The following PALM2AKAP2 variants were observed in gnomAD, a reference collection of about 807,000 sequenced individuals.
The protein encoded by PALM2AKAP2 is PALM2 and AKAP2 fusion.
PALM2AKAP2 carries 37 observed loss-of-function variants against 71.5 expected under a neutral mutation model. The observed-to-expected ratio is 0.52, with a 90% confidence interval of 0.40 to 0.68. PALM2AKAP2 has a LOEUF of 0.68. PALM2AKAP2 is among the 30% of genes least tolerant of loss of function. PALM2AKAP2 has a pLI of 0.00. For synonymous variants in PALM2AKAP2, 468 were observed against 478.8 expected, an observed-to-expected ratio of 0.98 and a Z score of 0.29; for missense variants, 1,224 against 1,191.8, an observed-to-expected ratio of 1.03 and a Z score of -0.40.
chr9:109,771,460 C>A (rs868119995), intron 1 of PALM2AKAP2, among the ~76,000 whole-genome samples: 2 of 152,116 alleles, frequency 1.3e-5, no homozygotes, highest in Non-Finnish European at 2.9e-5. Flanking sequence ...CAGGGTAAAA[C>A]TCTGGCAAGA....
At chr9:110,093,682 C>T (rs1834767397) in intron 1 of PALM2AKAP2, among the ~76,000 whole-genome samples, 1 of 152,180 alleles carries the variant, frequency 6.6e-6, no homozygotes, top group South Asian at 2.1e-4. Flanking sequence ...TCTCCAGGCT[C>T]ATCTCCCCTG....
intron 1 of PALM2AKAP2, among the ~76,000 whole-genome samples, chr9:109,735,223 A>G (rs1470755331): frequency 1.3e-5 from 2 of 149,368 alleles, no homozygotes; most frequent in Admixed American, 6.7e-5. Context: ...ATTTTCCTGA[A>G]GCTCCTTTGT....
chr9:109,961,639 G>A (rs1342524325), intron 6 of PALM2AKAP2, among the ~76,000 whole-genome samples: 1 of 152,114 alleles, frequency 6.6e-6, no homozygotes, highest in East Asian at 1.9e-4. Context: ...CATGGAGATG[G>A]GCATCTCTGC....
At chr9:109,907,373 C>G (rs1187107838) in intron 3 of PALM2AKAP2, among the ~76,000 whole-genome samples, 2 of 152,196 alleles carry the variant, frequency 1.3e-5, no homozygotes, top group African/African-American at 4.8e-5. Flanking sequence ...ACTTCCCTTC[C>G]AAGACCTGAA....
At chr9:109,903,658 G>C (rs1438630613) in intron 3 of PALM2AKAP2, among the ~76,000 whole-genome samples, 2 of 152,106 alleles carry the variant, frequency 1.3e-5, no homozygotes, top group Admixed American at 6.5e-5. Context: ...AATCACAGCT[G>C]TCTCCTCCCA....
chr9:110,125,529 C>G (rs1453182583), intron 1 of PALM2AKAP2: 2 of 985,462 alleles, frequency 2.0e-6, no homozygotes, highest in African/African-American at 3.5e-5. Context: ...AGCCAGGGTG[C>G]ACGCAGGAAT....
intron 1 of PALM2AKAP2, among the ~76,000 whole-genome samples, chr9:109,828,648 T>C (rs545472028): frequency 6.6e-6 from 1 of 151,842 alleles, no homozygotes; most frequent in South Asian, 2.1e-4. Context: ...CCCAGAGATA[T>C]TTGTTTGACT....
At chr9:110,171,730 C>G (rs773505987) in exon 4 of PALM2AKAP2, 3 of 152,544 alleles carry the variant, frequency 2.0e-5, no homozygotes, top group Non-Finnish European at 4.4e-5. Context: ...AGCCCCACCC[C>G]CAAATAGCAC....
At chr9:109,914,051 C>T (rs1830632663) in intron 3 of PALM2AKAP2, among the ~76,000 whole-genome samples, 1 of 152,114 alleles carries the variant, frequency 6.6e-6, no homozygotes. Flanking sequence ...CCACCGCGCC[C>T]GGCCAAGATG....
At chr9:110,091,833 T>G (rs1473690112) in intron 1 of PALM2AKAP2, among the ~76,000 whole-genome samples, 3 of 152,214 alleles carry the variant, frequency 2.0e-5, no homozygotes, top group African/African-American at 7.2e-5. Flanking sequence ...TGAGTTTAGA[T>G]AAATGCTTAC....
chr9:109,874,999 G>C (rs527794510), intron 2 of PALM2AKAP2, among the ~76,000 whole-genome samples: 1 of 152,310 alleles, frequency 6.6e-6, no homozygotes, highest in African/African-American at 2.4e-5. Flanking sequence ...CCCTTGCAAT[G>C]TGTTCTTCCT....
chr9:110,086,593 C>T lies in PALM2AKAP2; in HGVS notation c.156+37738C>T, dbSNP rs61385709. 5.1e-4 allele frequency among the ~76,000 whole-genome samples: 77 copies of T among 152,262 alleles called. No individual in the cohort carries two copies. The East Asian group carries it at 0.013, about 25-fold the overall frequency. ...CATTGGGCTCATGACCCCATAGGTGCGTGTGTGTACATGCACATGCATTAA... is the reference window on the plus strand; with the variant it reads ...CATTGGGCTCATGACCCCATAGGTGTGTGTGTGTACATGCACATGCATTAA... On this transcript the variant is annotated intron_variant, in intron 1 of 3. Coordinates refer to ENST00000374525, the Ensembl canonical transcript of PALM2AKAP2.
chr9:110,024,861 A>G (rs1588064718), intron 7 of PALM2AKAP2: 1 of 773,344 alleles, frequency 1.3e-6, no homozygotes, highest in Non-Finnish European at 2.2e-6. Flanking sequence ...TCTTTTATTT[A>G]TTTATTTTTT....
intron 1 of PALM2AKAP2, among the ~76,000 whole-genome samples, chr9:109,843,828 C>T (rs1464714165): frequency 6.6e-6 from 1 of 152,166 alleles, no homozygotes; most frequent in East Asian, 1.9e-4. Context: ...TTTGTAGGAG[C>T]CCGGACGAGG....
chr9:109,721,852 T>C (rs1828410192), intron 1 of PALM2AKAP2, among the ~76,000 whole-genome samples: 1 of 152,196 alleles, frequency 6.6e-6, no homozygotes, highest in Non-Finnish European at 1.5e-5. Context: ...TAAAGTAACC[T>C]TAGACTCCTT....
chr9:110,160,203 G>A (rs2119243090), intron 3 of PALM2AKAP2, among the ~76,000 whole-genome samples: 1 of 152,286 alleles, frequency 6.6e-6, no homozygotes, highest in African/African-American at 2.4e-5. Context: ...ACATTTGGGG[G>A]GTAGAGTAGG....
chr9:110,045,850 G>A (rs1833587354), upstream of PALM2AKAP2, among the ~76,000 whole-genome samples: 1 of 152,164 alleles, frequency 6.6e-6, no homozygotes, highest in Admixed American at 6.5e-5. Context: ...TTACAGGCAT[G>A]AGCTACCACA....
At chr9:109,914,516 CAT>C (rs976690516) in intron 3 of PALM2AKAP2, among the ~76,000 whole-genome samples, 1 of 152,192 alleles carries the variant, frequency 6.6e-6, no homozygotes, top group Non-Finnish European at 1.5e-5. Context: ...AATTCATAAA[CAT>C]GTGGGCAGCT....
intron 1 of PALM2AKAP2, among the ~76,000 whole-genome samples, chr9:110,053,559 AAG>A (rs1468219891): frequency 6.6e-6 from 1 of 151,450 alleles, no homozygotes; most frequent in African/African-American, 2.4e-5. Context: ...GAAAAAAAGA[AAG>A]AAAGAAAGAA....
Sources: gnomAD v4.1 joint callset for allele counts (sites outside exome capture counted in the v4.1 genomes callset) on GRCh38, gnomAD v4.1.1 for gene constraint, MANE v1.5 for transcripts, NCBI Gene and HGNC (gene_info 2026-07-23, HGNC 2026-07-21) for gene names.